CLIC6: variants seen among roughly 807,000 people sequenced by gnomAD.
CLIC6 encodes the protein chloride intracellular channel protein 6.
A neutral mutation model predicts 49.2 loss-of-function variants in CLIC6; 39 were observed. The ratio of observed to expected loss-of-function variants is 0.79; its 90% CI spans 0.61 to 1.04. The LOEUF is 1.04. CLIC6 is among the 50% of genes least tolerant of loss of function. The pLI is 0.00. For missense variants in CLIC6, 988 were observed against 993.1 expected (o/e 0.99, Z 0.07); for synonymous variants, 446 against 433.4 (o/e 1.03, Z -0.36).
rs141707884 is a variant in CLIC6 at position 34,707,974 on chromosome 21, C to G, written c.1515C>G (p.Pro505=). 6.2e-7 allele frequency: 1 copy of G among 1,614,070 alleles called. No individual in the cohort carries two copies. The highest frequency in any genetic ancestry group is 2.2e-5 in the East Asian group (1 of 44,884). Residue 505 remains proline, a synonymous_variant, in exon 3 of 6, where the codon CCC becomes CCG. Transcript: ENST00000349499. The part of the protein sequence containing the change: ...RKPADLQNLA[P]GTNPPFMTFD... The stretch of plus-strand genomic sequence containing the variant: ...CCGCAGACCTGCAGAACCTGGCTCC[C>G]GGAACAAACCCTCCTTTCATGACTT...
At chr21:34,698,568 G>T (rs1446146615) in intron 1 of CLIC6, among the ~76,000 whole-genome samples, 1 of 152,156 alleles carries the variant, frequency 6.6e-6, no homozygotes, top group Non-Finnish European at 1.5e-5. Flanking sequence ...TGGAAGGAAG[G>T]AGAGCAGATT....
chr21:34,684,122 G>A (rs1989831751), intron 1 of CLIC6, among the ~76,000 whole-genome samples: 1 of 150,364 alleles, frequency 6.7e-6, no homozygotes, highest in African/African-American at 2.5e-5. Flanking sequence ...ACCAAGTGCT[G>A]TTTTGCACCC....
rs539021169 is a variant in CLIC6, at chr21:34,706,305, C to T, written c.1375-975C>T. Reference sequence around the variant, plus strand: ...CTCAATCTTGTCAATCTTGCAAGAACTCACTGACTATCGAAAGGGCAGCAG... The same window carrying T: ...CTCAATCTTGTCAATCTTGCAAGAATTCACTGACTATCGAAAGGGCAGCAG... On this transcript the variant is annotated intron_variant, in intron 1 of 5. Transcript: ENST00000349499. Among the ~76,000 whole-genome samples, 11 of 152,270 alleles carry T rather than the reference C, an allele frequency of 7.2e-5. No individual in the cohort carries two copies. The East Asian group carries it at 2.1e-3, about 29-fold the overall frequency.
chr21:34,716,710 T>C lies in CLIC6; in HGVS notation c.*228T>C, dbSNP rs900133609. ...ATTACAAAATGAGACACACCTATCT[T>C]GATATTTTAAAGCAATATCAGAGGG... On this transcript the variant is annotated 3_prime_UTR_variant, in exon 6 of 6. Coordinates refer to ENST00000349499, the MANE Select transcript of CLIC6 (RefSeq NM_053277.3). 1.4e-5 allele frequency: 5 copies of C among 353,516 alleles called. No homozygotes were observed. The highest frequency in any genetic ancestry group is 2.5e-5 in the Non-Finnish European group (5 of 196,732). The allele number at this position is 353,516 out of a possible 1,614,324, so 21.9% of individuals were successfully genotyped here. A position where few individuals can be genotyped will look rare whatever the true frequency, so the allele number is the denominator to read the frequency against.
rs1387679896 is a variant in CLIC6, at chr21:34,670,366, C to G, written c.978C>G (p.Leu326=). 2 of 1,451,860 alleles carry G rather than the reference C, an allele frequency of 1.4e-6. No homozygotes were observed. The highest frequency in any genetic ancestry group is 2.9e-5 in the South Asian group (2 of 69,050). 89.9% of individuals were successfully genotyped at this position (1,451,860 alleles called of 1,614,324 possible). A position where few individuals can be genotyped will look rare whatever the true frequency, so the allele number is the denominator to read the frequency against. ...GTGCGGGGCGCAGCCCCGGTGAGCT[C>G]GCCTGGGACGCAGCGGAGGAGGCGG... is the stretch of plus-strand genomic sequence containing the variant. ...GESAGRSPGE[L]AWDAAEEAEV... The change falls in exon 1 of 6, where the codon CTC becomes CTG. Residue 326 remains leucine (L), a synonymous_variant. Transcript: ENST00000349499.
rs10541127 is a variant in CLIC6, at chr21:34,716,862, T to TCACACACA, written c.*411_*418dup. The TCACACACA allele has an allele frequency of 0.051, 6,748 of 131,670 alleles. 235 individuals are homozygous for TCACACACA. Among genetic ancestry groups the TCACACACA allele is most frequent in the African/African-American group, 0.096 (3,007 of 31,282 alleles). 8.2% of individuals were successfully genotyped at this position (131,670 alleles called of 1,614,324 possible). On this transcript the variant is annotated 3_prime_UTR_variant, in exon 6 of 6. Coordinates refer to ENST00000349499, the MANE Select transcript of CLIC6 (RefSeq NM_053277.3). ...CTCTCTCTCTCTCTCTCTCTCTCTA[T>TCACACACA]CACACACACACACACACACACACAC...
chr21:34,710,604 G>A (rs1305219259), intron 5 of CLIC6, among the ~76,000 whole-genome samples: 2 of 152,122 alleles, frequency 1.3e-5, no homozygotes, highest in Non-Finnish European at 2.9e-5. Flanking sequence ...ACGAAGTCAG[G>A]AGATCGAGAC....
chr21:34,687,300 C>G (rs931868472), intron 1 of CLIC6, among the ~76,000 whole-genome samples: 1 of 152,088 alleles, frequency 6.6e-6, no homozygotes, highest in Non-Finnish European at 1.5e-5. Flanking sequence ...CATTCAAGAA[C>G]CTAAACCACC....
Position 34,670,414 on chromosome 21 carries a change from C to A in CLIC6, c.1026C>A (p.Ser342=). The A allele has an allele frequency of 6.9e-7, 1 of 1,459,488 alleles. No homozygotes were observed. Among genetic ancestry groups the A allele is most frequent in the South Asian group, 1.4e-5 (1 of 69,480 alleles). 90.4% of individuals were successfully genotyped at this position (1,459,488 alleles called of 1,614,324 possible). Residue 342 remains serine (S), a synonymous_variant, in exon 1 of 6, where the codon TCC becomes TCA. Coordinates refer to ENST00000349499, the MANE Select transcript of CLIC6 (RefSeq NM_053277.3). The part of the protein sequence containing the change: ...EEAEVPGVKG[S]EEAAPGDARA... Reference sequence around the variant, plus strand: ...CGGAGGTCCCGGGGGTAAAGGGGTCCGAAGAAGCGGCCCCCGGGGACGCAA... The same window carrying A: ...CGGAGGTCCCGGGGGTAAAGGGGTCAGAAGAAGCGGCCCCCGGGGACGCAA...
rs36126307 is a variant in CLIC6 at position 34,691,552 on chromosome 21, G to GAA, written c.1375-15718_1375-15717dup. Among the ~76,000 whole-genome samples, 107 of 146,104 alleles carry GAA rather than the reference G, an allele frequency of 7.3e-4. 2 individuals carry two copies. The highest frequency in any genetic ancestry group is 1.7e-3 in the African/African-American group (69 of 40,100). On this transcript the variant is annotated intron_variant, in intron 1 of 5. Coordinates refer to ENST00000349499, the MANE Select transcript of CLIC6 (RefSeq NM_053277.3). ...CTTTCCTTTCAATCTCTGTGGCCAG[G>GAA]AAAAAAAAAAAGGGAGTGTCGGGGA...
chr21:34,693,029 G>C (rs993331666), intron 1 of CLIC6, among the ~76,000 whole-genome samples: 1 of 152,254 alleles, frequency 6.6e-6, no homozygotes, highest in African/African-American at 2.4e-5. Context: ...TTTACCAATC[G>C]TAAATTGCTG....
chr21:34,701,753 G>A (rs1188989831), intron 1 of CLIC6, among the ~76,000 whole-genome samples: 1 of 152,130 alleles, frequency 6.6e-6, no homozygotes, highest in Non-Finnish European at 1.5e-5. Flanking sequence ...CAACTCCTCA[G>A]GCAAATGGAT....
intron 5 of CLIC6, among the ~76,000 whole-genome samples, chr21:34,715,376 TG>T (rs1047761206): frequency 9.2e-5 from 14 of 152,122 alleles, no homozygotes; most frequent in Non-Finnish European, 1.5e-4. Flanking sequence ...CGTTGCAAAC[TG>T]GGGAAATTTG....
chr21:34,694,035 C>A (rs1429086100), intron 1 of CLIC6, among the ~76,000 whole-genome samples: 2 of 146,980 alleles, frequency 1.4e-5, no homozygotes, highest in South Asian at 2.2e-4. Context: ...TGCAGTGGCA[C>A]GATCTCGGCT....
chr21:34,685,961 G>A (rs1989869132), intron 1 of CLIC6, among the ~76,000 whole-genome samples: 1 of 152,162 alleles, frequency 6.6e-6, no homozygotes, highest in South Asian at 2.1e-4. Context: ...CGCTAAGCTT[G>A]TGGAAGTTAT....
chr21:34,677,484 T>C lies in CLIC6; in HGVS notation c.1374+6722T>C, dbSNP rs543968918. Among the ~76,000 whole-genome samples, 27 of 152,332 alleles carry C rather than the reference T, an allele frequency of 1.8e-4. 1 individual carries two copies. The South Asian group carries it at 5.4e-3, about 30-fold the overall frequency. On this transcript the variant is annotated intron_variant, in intron 1 of 5. Transcript: ENST00000349499. ...AGTGCCTTTAATCAGAAATATATTT[T>C]TCTCATACAACAAGAAATCCAGAGA...
At chr21:34,700,279 C>G (rs1254991494) in intron 1 of CLIC6, among the ~76,000 whole-genome samples, 6 of 137,796 alleles carry the variant, frequency 4.4e-5, no homozygotes, top group African/African-American at 1.5e-4. Context: ...AACCCCGTCT[C>G]TACTAAAAAT....
chr21:34,674,266 A>T (rs542976275), intron 1 of CLIC6, among the ~76,000 whole-genome samples: 6 of 152,108 alleles, frequency 3.9e-5, no homozygotes, highest in African/African-American at 9.7e-5. Flanking sequence ...TTTCAAAAAA[A>T]TTTTTGTAGA....
chr21:34,708,639 A>G lies in CLIC6; in HGVS notation c.1611-61A>G. 4 of 1,136,886 alleles carry G rather than the reference A, an allele frequency of 3.5e-6. No homozygotes were observed. In the South Asian group the frequency reaches 3.8e-5, roughly 11 times the overall value. 70.4% of individuals were successfully genotyped at this position (1,136,886 alleles called of 1,614,324 possible). A position where few individuals can be genotyped will look rare whatever the true frequency, so the allele number is the denominator to read the frequency against. ...AGAGAAAGCTGTTTTTCTCCATTGT[A>G]TAGTATTATCTTCACTAAAACATCA... is the stretch of plus-strand genomic sequence containing the variant. On this transcript the variant is annotated intron_variant, in intron 3 of 5. Transcript: ENST00000349499.
Sources: gnomAD v4.1 joint callset for allele counts (sites outside exome capture counted in the v4.1 genomes callset) on GRCh38, gnomAD v4.1.1 for gene constraint, MANE v1.5 for transcripts, NCBI Gene and HGNC (gene_info 2026-07-23, HGNC 2026-07-21) for gene names.